Variants in FGF12 observed in about 807,000 individuals in gnomAD.
FGF12 encodes the protein fibroblast growth factor 12B.
Under a neutral mutation model 23.6 loss-of-function variants are expected in FGF12, and 14 were observed. That is an observed-to-expected ratio of 0.59 (90% CI 0.39 to 0.93). The LOEUF (loss-of-function observed/expected upper bound fraction) is 0.93, where lower values mean the gene tolerates loss of function less well. Ranked by LOEUF, FGF12 falls within the 40% of genes least tolerant of loss-of-function variation. The pLI, the probability that FGF12 is intolerant of heterozygous loss-of-function variation, is 0.00. For synonymous variants in FGF12, 62 were observed against 77.3 expected (o/e 0.80, Z 1.04); for missense variants, 175 against 217.8 (o/e 0.80, Z 1.24).
chr3:192,573,549 G>A (rs28610227), intron 2 of FGF12, among the ~76,000 whole-genome samples: 30,602 of 151,940 alleles, frequency 0.2, 3,232 homozygotes, highest in Middle Eastern at 0.35. Context: ...TGGTTCTACA[G>A]CAGCCTACTA....
At chr3:192,354,415 G>A (rs1158022263) in intron 3 of FGF12, among the ~76,000 whole-genome samples, 5 of 151,396 alleles carry the variant, frequency 3.3e-5, no homozygotes, top group African/African-American at 1.2e-4. Context: ...AAAGCTGACG[G>A]CAGAAAAGCA....
intron 4 of FGF12, among the ~76,000 whole-genome samples, chr3:192,186,748 T>G (rs12494793): frequency 0.085 from 13,014 of 152,270 alleles, 684 homozygotes; most frequent in South Asian, 0.24. Context: ...AATCTATTGT[T>G]TAGTATGAGT....
At chr3:192,506,998 TC>T (rs1187454349) in intron 2 of FGF12, among the ~76,000 whole-genome samples, 2 of 151,418 alleles carry the variant, frequency 1.3e-5, no homozygotes, top group Non-Finnish European at 1.5e-5. Flanking sequence ...TTCACGCCAT[TC>T]TCCTGCCTCA....
At chr3:192,547,907 AC>A (rs1287960467) in intron 2 of FGF12, among the ~76,000 whole-genome samples, 2 of 152,148 alleles carry the variant, frequency 1.3e-5, no homozygotes, top group Admixed American at 1.3e-4. Flanking sequence ...CTGTTCCCTT[AC>A]AAATGCTTCC....
chr3:192,257,554 C>T (rs111537725), intron 4 of FGF12, among the ~76,000 whole-genome samples: 5,456 of 152,186 alleles, frequency 0.036, 328 homozygotes, highest in African/African-American at 0.13. Context: ...CTCTTCAGAG[C>T]CATTTTAACT....
At chr3:192,374,231 T>C (rs1280856371) in intron 2 of FGF12, among the ~76,000 whole-genome samples, 4 of 152,236 alleles carry the variant, frequency 2.6e-5, no homozygotes, top group Non-Finnish European at 4.4e-5. Context: ...TTTTAGAATC[T>C]CTGTGTTTTC....
intron 2 of FGF12, among the ~76,000 whole-genome samples, chr3:192,466,973 CT>C (rs1723029624): frequency 1.3e-5 from 2 of 152,006 alleles, no homozygotes; most frequent in Admixed American, 6.6e-5. Flanking sequence ...TATGTTCTGC[CT>C]TTTTTTAGGG....
At chr3:192,351,625 A>C (rs1377674682) in intron 3 of FGF12, among the ~76,000 whole-genome samples, 1 of 152,170 alleles carries the variant, frequency 6.6e-6, no homozygotes, top group Non-Finnish European at 1.5e-5. Flanking sequence ...CAGCTAAATG[A>C]AACACATTTG....
In FGF12 at chr3:192,407,223, G is replaced by A. The variant is rs6444639; in HGVS notation, c.14-46685C>T. Reference sequence around the variant, plus strand: ...AGAGAATTAGCTTCAGAAAGCCCACGCCATGAAAATCTCTGATCAAGCTGA... The same window carrying A: ...AGAGAATTAGCTTCAGAAAGCCCACACCATGAAAATCTCTGATCAAGCTGA... On this transcript the variant is annotated intron_variant, in intron 2 of 5. Transcript: ENST00000445105. 3.3e-3 allele frequency among the ~76,000 whole-genome samples: 500 copies of A among 152,244 alleles called. 3 individuals carry two copies. The highest frequency in any genetic ancestry group is 0.024 in the Middle Eastern group (7 of 294).
At chr3:192,225,373 T>A (rs1266920099) in intron 4 of FGF12, among the ~76,000 whole-genome samples, 3 of 152,020 alleles carry the variant, frequency 2.0e-5, no homozygotes, top group African/African-American at 4.8e-5. Context: ...GATTTTTCCA[T>A]CTCCATTCTC....
intron 2 of FGF12, among the ~76,000 whole-genome samples, chr3:192,581,486 G>GTGTA (rs1270642127): frequency 1.8e-4 from 26 of 144,628 alleles, no homozygotes; most frequent in South Asian, 4.4e-4. Flanking sequence ...GTGTGTGTGT[G>GTGTA]TATATATATA....
chr3:192,510,800 T>G (rs552343686), intron 2 of FGF12, among the ~76,000 whole-genome samples: 36 of 152,262 alleles, frequency 2.4e-4, no homozygotes, highest in African/African-American at 7.0e-4. Flanking sequence ...TAAAAAGAAA[T>G]GAGCTATTAC....
intron 4 of FGF12, among the ~76,000 whole-genome samples, chr3:192,320,048 C>T (rs534655853): frequency 1.3e-3 from 191 of 152,170 alleles, no homozygotes; most frequent in African/African-American, 4.4e-3. Flanking sequence ...AATCAAAAGA[C>T]GTAGAGTGCC....
intron 2 of FGF12, among the ~76,000 whole-genome samples, chr3:192,709,806 C>A (rs1718605561): frequency 6.6e-6 from 1 of 152,168 alleles, no homozygotes; most frequent in African/African-American, 2.4e-5. Flanking sequence ...GAGCCTCCAG[C>A]ACTTGTTAAT....
intron 5 of FGF12, among the ~76,000 whole-genome samples, chr3:192,148,716 G>T (rs941995465): frequency 1.3e-5 from 2 of 152,142 alleles, no homozygotes; most frequent in Admixed American, 6.5e-5. Context: ...TGTTCCATTT[G>T]CATAGGAAGA....
rs1715607381 is a variant in FGF12 at position 192,305,774 on chromosome 3, ATTAG to A, written c.228+29583_228+29586del. On this transcript the variant is annotated intron_variant, in intron 4 of 5. Transcript: ENST00000445105. ...CTTAGTTTTTGTGTCGGACACTGAT[ATTAG>A]TGACCCCTATTTCCTTTGAGAAACT... Among the ~76,000 whole-genome samples, 4 of 147,544 alleles carry A rather than the reference ATTAG, an allele frequency of 2.7e-5. No homozygotes were observed. In the South Asian group the frequency reaches 8.5e-4, roughly 31 times the overall value.
intron 4 of FGF12, among the ~76,000 whole-genome samples, chr3:192,203,566 C>CTTTTTTTT (rs3071810): frequency 7.7e-6 from 1 of 130,420 alleles, no homozygotes; most frequent in African/African-American, 2.9e-5. Context: ...TTTTTCTTTA[C>CTTTTTTTT]TTTTTTTTTT....
chr3:192,271,119 T>C (rs1002913255), intron 4 of FGF12, among the ~76,000 whole-genome samples: 1 of 152,196 alleles, frequency 6.6e-6, no homozygotes, highest in South Asian at 2.1e-4. Flanking sequence ...TGGCATGAAA[T>C]ATCATGGACA....
At chr3:192,199,788 A>G (rs1465311804) in intron 4 of FGF12, among the ~76,000 whole-genome samples, 2 of 152,210 alleles carry the variant, frequency 1.3e-5, no homozygotes, top group African/African-American at 4.8e-5. Flanking sequence ...AACAGTGAAG[A>G]TGAAAGTGAT....
Sources: allele counts gnomAD v4.1 joint callset (sites outside exome capture counted in the v4.1 genomes callset), GRCh38; gene constraint gnomAD v4.1.1; transcripts MANE v1.5; gene names NCBI Gene and HGNC (gene_info 2026-07-23, HGNC 2026-07-21).